Variants in PRKG1 observed in about 807,000 individuals in gnomAD.
PRKG1 encodes the protein cGMP-dependent protein kinase 1.
In PRKG1, 35 loss-of-function variants were observed where a neutral mutation model predicts 88.1. The observed-to-expected ratio is 0.40, with a 90% CI of 0.30 to 0.53. The LOEUF is 0.53. PRKG1 is among the 20% of genes least tolerant of loss of function. The probability of loss-of-function intolerance (pLI) is 0.59; values close to 1 mark genes in which losing one functional copy is unlikely to be tolerated. For synonymous variants in PRKG1, 303 were observed against 292.5 expected, an observed-to-expected ratio of 1.04 and a Z score of -0.37; for missense variants, 540 against 839.8, an observed-to-expected ratio of 0.64 and a Z score of 4.41.
chr10:51,631,974 G>A (rs1233665987), intron 3 of PRKG1, among the ~76,000 whole-genome samples: 1 of 152,182 alleles, frequency 6.6e-6, no homozygotes, highest in Admixed American at 6.5e-5. Context: ...TATTATCCCA[G>A]ATTGCAGTAA....
intron 10 of PRKG1, among the ~76,000 whole-genome samples, chr10:52,263,714 A>G (rs575502531): frequency 6.6e-6 from 1 of 151,938 alleles, no homozygotes; most frequent in East Asian, 2.0e-4. Flanking sequence ...AGCTGGGACT[A>G]GAGGCATCCA....
At chr10:51,169,772 TTATC>T (rs1235448316) in intron 2 of PRKG1, among the ~76,000 whole-genome samples, 1 of 149,470 alleles carries the variant, frequency 6.7e-6, no homozygotes, top group Non-Finnish European at 1.5e-5. Context: ...CTTGAGGAAA[TTATC>T]TAACCTTTTT....
intron 3 of PRKG1, among the ~76,000 whole-genome samples, chr10:51,492,337 T>G (rs1840726994): frequency 6.6e-6 from 1 of 152,144 alleles, no homozygotes; most frequent in Non-Finnish European, 1.5e-5. Context: ...AGAAGAAATA[T>G]TAATCTTATT....
At chr10:51,476,975 T>C (rs1840213641) in intron 3 of PRKG1, among the ~76,000 whole-genome samples, 4 of 151,956 alleles carry the variant, frequency 2.6e-5, no homozygotes, top group Admixed American at 2.6e-4. Flanking sequence ...GGATCGATAC[T>C]ACAATTGCAT....
intron 1 of PRKG1, among the ~76,000 whole-genome samples, chr10:51,082,402 T>C (rs1461807522): frequency 2.0e-5 from 3 of 152,190 alleles, no homozygotes; most frequent in African/African-American, 4.8e-5. Context: ...TCCCAAACTT[T>C]CCTGCGCATT....
At chr10:51,603,115 G>A (rs990210158) in intron 3 of PRKG1, among the ~76,000 whole-genome samples, 1 of 151,982 alleles carries the variant, frequency 6.6e-6, no homozygotes, top group South Asian at 2.1e-4. Flanking sequence ...AGACCACCAT[G>A]CCTGGCTAAT....
At chr10:51,831,231 G>A (rs949609472) in intron 4 of PRKG1, among the ~76,000 whole-genome samples, 1 of 151,796 alleles carries the variant, frequency 6.6e-6, no homozygotes, top group African/African-American at 2.4e-5. Flanking sequence ...CTTAGCCCAA[G>A]GTATTTCAAA....
chr10:51,392,693 TCC>T (rs1057234084), intron 2 of PRKG1, among the ~76,000 whole-genome samples: 3 of 151,280 alleles, frequency 2.0e-5, no homozygotes, highest in Non-Finnish European at 3.0e-5. Context: ...GCTCCTCACT[TCC>T]CAGTAGGGGC....
chr10:52,161,291 T>C lies in PRKG1; in HGVS notation c.1002-598T>C, dbSNP rs181949015. 1.5e-3 allele frequency among the ~76,000 whole-genome samples: 232 copies of C among 152,200 alleles called. 1 individual carries two copies. The highest frequency in any genetic ancestry group is 5.3e-3 in the African/African-American group (219 of 41,566). ...AGCAGTTAAATCATTCCTCCTGTTA[T>C]ATGCTAAAGTTGATTTTTCACTCTT... On this transcript the variant is annotated intron_variant, in intron 8 of 17. Coordinates refer to ENST00000373980, the MANE Select transcript of PRKG1 (RefSeq NM_006258.4).
chr10:51,112,700 A>T (rs981518952), intron 1 of PRKG1, among the ~76,000 whole-genome samples: 1 of 152,160 alleles, frequency 6.6e-6, no homozygotes, highest in Non-Finnish European at 1.5e-5. Flanking sequence ...GTATATTTGG[A>T]AAATTAGGAT....
intron 4 of PRKG1, among the ~76,000 whole-genome samples, chr10:51,836,897 G>A (rs1339204225): frequency 1.3e-5 from 2 of 152,162 alleles, no homozygotes; most frequent in Non-Finnish European, 2.9e-5. Flanking sequence ...TAAAAAAATT[G>A]CTTTAGCATT....
In PRKG1 at chr10:51,913,221, G is replaced by T. The variant is rs4382851; in HGVS notation, c.762+5651G>T. On this transcript the variant is annotated intron_variant, in intron 5 of 17. Coordinates refer to ENST00000373980, the MANE Select transcript of PRKG1 (RefSeq NM_006258.4). The stretch of plus-strand genomic sequence containing the variant: ...TGGGATTACAGGCGTGAGCCACGGC[G>T]CCCACCCAATTTCTATTTTAGATAC... Among the ~76,000 whole-genome samples, 447 of 152,238 alleles carry T rather than the reference G, an allele frequency of 2.9e-3. 1 individual carries two copies. The highest frequency in any genetic ancestry group is 9.4e-3 in the African/African-American group (391 of 41,544).
chr10:51,165,447 C>G (rs1443672323), intron 2 of PRKG1, among the ~76,000 whole-genome samples: 1 of 152,068 alleles, frequency 6.6e-6, no homozygotes, highest in African/African-American at 2.4e-5. Flanking sequence ...CAAAATCATG[C>G]CAAATTGTAA....
intron 3 of PRKG1, among the ~76,000 whole-genome samples, chr10:51,670,797 A>T (rs1339242200): frequency 6.6e-6 from 1 of 151,432 alleles, no homozygotes; most frequent in Admixed American, 6.6e-5. Flanking sequence ...AAAATGCAAG[A>T]TACACTTTTA....
At chr10:51,938,076 A>C (rs2339902) in intron 5 of PRKG1, among the ~76,000 whole-genome samples, 62,326 of 151,752 alleles carry the variant, frequency 0.41, 13,738 homozygotes, top group East Asian at 0.66. Flanking sequence ...CTTTCTTCTG[A>C]CATGTCATCA....
chr10:51,933,315 A>G (rs10823903), intron 5 of PRKG1, among the ~76,000 whole-genome samples: 35,681 of 152,118 alleles, frequency 0.23, 4,628 homozygotes, highest in Non-Finnish European at 0.29. Context: ...AGAGAATTAA[A>G]TCATTTATTG....
In PRKG1 at chr10:51,806,579, A is replaced by G. The variant is rs1372994981; in HGVS notation, c.698+1889A>G. ...GGCTACTCCATAAAACATCAAGTTCACATTGTTTGTGAACATAGGACTGGG... is the reference window on the plus strand; with the variant it reads ...GGCTACTCCATAAAACATCAAGTTCGCATTGTTTGTGAACATAGGACTGGG... On this transcript the variant is annotated intron_variant, in intron 4 of 17. Transcript: ENST00000373980. Among the ~76,000 whole-genome samples, 5 of 152,198 alleles carry G rather than the reference A, an allele frequency of 3.3e-5. No individual in the cohort carries two copies. The East Asian group carries it at 9.6e-4, about 29-fold the overall frequency.
intron 2 of PRKG1, among the ~76,000 whole-genome samples, chr10:51,191,430 C>T (rs1023896924): frequency 2.0e-5 from 3 of 151,704 alleles, no homozygotes; most frequent in African/African-American, 4.8e-5. Flanking sequence ...AGAATAAATG[C>T]GTGTAAATAA....
intron 7 of PRKG1, among the ~76,000 whole-genome samples, chr10:52,073,491 G>A (rs1260298038): frequency 6.6e-6 from 1 of 152,126 alleles, no homozygotes; most frequent in East Asian, 1.9e-4. Context: ...TATCTATGCT[G>A]TAATCATACT....
Sources: gnomAD v4.1 joint callset for allele counts (sites outside exome capture counted in the v4.1 genomes callset) on GRCh38, gnomAD v4.1.1 for gene constraint, MANE v1.5 for transcripts, NCBI Gene and HGNC (gene_info 2026-07-23, HGNC 2026-07-21) for gene names.